Variants in ROBO2 observed in about 807,000 individuals in gnomAD.
ROBO2 encodes the protein roundabout homolog 2.
In ROBO2, 53 loss-of-function variants were observed where a neutral mutation model predicts 160.8. That is an observed-to-expected ratio of 0.33 (90% CI 0.26 to 0.41). The LOEUF (loss-of-function observed/expected upper bound fraction) is 0.41. Ranked by LOEUF, ROBO2 falls within the 10% of genes least tolerant of loss-of-function variation. ROBO2 has a pLI of 1.00. For synonymous variants in ROBO2, 664 were observed against 611.7 expected (o/e 1.09, Z -1.26); for missense variants, 1,577 against 1,722.4 (o/e 0.92, Z 1.49).
At chr3:77,417,161 G>A (rs1169444304) in intron 2 of ROBO2, among the ~76,000 whole-genome samples, 1 of 151,256 alleles carries the variant, frequency 6.6e-6, no homozygotes, top group Non-Finnish European at 1.5e-5. Context: ...ACTGCTAAAG[G>A]ACAAATTCAT....
rs199788324 is a variant in ROBO2, at chr3:76,979,951, TAA to T, written c.110-118050_110-118049del. ...CCAAAACCTGATATAGAGACTTGGT[TAA>T]AAAAAAAAAAAATGTCTTTGCTGAA... On this transcript the variant is annotated intron_variant, in intron 2 of 26. Transcript: ENST00000487694. Among the ~76,000 whole-genome samples the T allele has an allele frequency of 4.7e-3, 665 of 142,912 alleles. 7 individuals carry two copies. The highest frequency in any genetic ancestry group is 0.015 in the African/African-American group (602 of 39,270). 93.8% of individuals were successfully genotyped at this position (142,912 alleles called of 152,430 possible).
intron 2 of ROBO2, among the ~76,000 whole-genome samples, chr3:76,924,261 C>T (rs922675499): frequency 1.3e-5 from 2 of 152,128 alleles, no homozygotes; most frequent in East Asian, 1.9e-4. Context: ...ACTTCCACTG[C>T]GATGGTATTG....
At chr3:77,414,125 A>G (rs141378416) in intron 2 of ROBO2, among the ~76,000 whole-genome samples, 1 of 152,308 alleles carries the variant, frequency 6.6e-6, no homozygotes, top group Non-Finnish European at 1.5e-5. Context: ...CGTAGCTAGT[A>G]GGCAGAAAAC....
At chr3:76,757,914 C>T (rs545772380) in intron 2 of ROBO2, among the ~76,000 whole-genome samples, 2 of 151,440 alleles carry the variant, frequency 1.3e-5, no homozygotes, top group Admixed American at 6.6e-5. Flanking sequence ...CTAAAAGGCA[C>T]GATTTGTGAA....
chr3:77,143,591 A>T (rs2076894342), intron 2 of ROBO2, among the ~76,000 whole-genome samples: 1 of 152,094 alleles, frequency 6.6e-6, no homozygotes, highest in South Asian at 2.1e-4. Context: ...ACTTACTATA[A>T]ACTCAGTATA....
intron 2 of ROBO2, among the ~76,000 whole-genome samples, chr3:77,435,759 G>C (rs2079213290): frequency 6.6e-6 from 1 of 151,686 alleles, no homozygotes; most frequent in African/African-American, 2.4e-5. Flanking sequence ...AATGAAACAG[G>C]GTGGACAAAG....
intron 4 of ROBO2, among the ~76,000 whole-genome samples, chr3:77,488,580 T>TGTCC (rs1303737753): frequency 6.6e-6 from 1 of 152,254 alleles, no homozygotes; most frequent in African/African-American, 2.4e-5. Flanking sequence ...TATGGAGCAT[T>TGTCC]AATAGATATT....
intron 2 of ROBO2, among the ~76,000 whole-genome samples, chr3:76,193,567 C>G (rs747838461): frequency 6.6e-6 from 1 of 152,214 alleles, no homozygotes; most frequent in Non-Finnish European, 1.5e-5. Context: ...CTTTCACTTC[C>G]TCCAATTGAT....
At chr3:77,301,880 CT>C (rs540906873) in intron 2 of ROBO2, among the ~76,000 whole-genome samples, 123 of 145,660 alleles carry the variant, frequency 8.4e-4, no homozygotes, top group South Asian at 5.1e-3. Context: ...CTTCAATTTC[CT>C]TTTTTTTTTT....
chr3:76,957,632 A>G (rs1265907717), intron 2 of ROBO2, among the ~76,000 whole-genome samples: 1 of 151,950 alleles, frequency 6.6e-6, no homozygotes, highest in African/African-American at 2.4e-5. Context: ...GGAGTTTGAG[A>G]CCAACCTGAC....
At position 76,093,423 on chromosome 3, in the gene ROBO2, A is replaced by G. The variant is rs572415929; in HGVS notation, c.109+155821A>G. Among the ~76,000 whole-genome samples, 143 of 151,232 alleles carry G rather than the reference A, an allele frequency of 9.5e-4. No individual in the cohort carries two copies. The Middle Eastern group carries it at 0.01, about 11-fold the overall frequency. ...CAAAAATGCATACGGCAAATCAAAT[A>G]TTTACTAGCAGTCACACAGGCCTGC... On this transcript the variant is annotated intron_variant, in intron 2 of 26. Coordinates refer to the ROBO2 transcript ENST00000487694.
chr3:77,015,529 T>A (rs1429061145), intron 2 of ROBO2, among the ~76,000 whole-genome samples: 5 of 152,214 alleles, frequency 3.3e-5, no homozygotes, highest in African/African-American at 9.7e-5. Flanking sequence ...GCAAATTAGA[T>A]TCTAGGATGA....
At position 77,422,630 on chromosome 3, in the gene ROBO2, T is replaced by C. The variant is rs141144739; in HGVS notation, c.389-54784T>C. Among the ~76,000 whole-genome samples the C allele has an allele frequency of 1.1e-4, 17 of 152,286 alleles. No individual in the cohort carries two copies. In the East Asian group the frequency reaches 3.1e-3, roughly 28 times the overall value. ...GGATTTACAAATGATTATCTTAATA[T>C]TTTCTTGCAAAACATAGCTAATGTG... On this transcript the variant is annotated intron_variant, in intron 2 of 25. Transcript: ENST00000461745.
chr3:76,142,394 T>C (rs2106772613), intron 2 of ROBO2, among the ~76,000 whole-genome samples: 1 of 152,080 alleles, frequency 6.6e-6, no homozygotes, highest in African/African-American at 2.4e-5. Flanking sequence ...CTGTTTACAG[T>C]AGCTAAAATT....
At chr3:76,683,929 C>T (rs1399113712) in intron 2 of ROBO2, among the ~76,000 whole-genome samples, 1 of 151,826 alleles carries the variant, frequency 6.6e-6, no homozygotes, top group Non-Finnish European at 1.5e-5. Flanking sequence ...ATTTTTTTCT[C>T]TTTAAACATA....
chr3:76,863,673 G>A (rs1387211885), intron 2 of ROBO2, among the ~76,000 whole-genome samples: 1 of 151,918 alleles, frequency 6.6e-6, no homozygotes, highest in Non-Finnish European at 1.5e-5. Flanking sequence ...TCTTAGCACG[G>A]ATATGCCAAA....
At chr3:77,291,776 A>G (rs1019235909) in intron 2 of ROBO2, among the ~76,000 whole-genome samples, 2 of 150,046 alleles carry the variant, frequency 1.3e-5, no homozygotes, top group Non-Finnish European at 3.0e-5. Flanking sequence ...AGTAAAATTG[A>G]AGATTAAACG....
chr3:77,096,430 C>T (rs1338511058), intron 1 of ROBO2, among the ~76,000 whole-genome samples: 1 of 151,008 alleles, frequency 6.6e-6, no homozygotes, highest in African/African-American at 2.4e-5. Context: ...CCTTCTCTTC[C>T]TATTTCTTTT....
chr3:76,369,035 AT>A (rs1037164058), intron 2 of ROBO2, among the ~76,000 whole-genome samples: 3 of 151,674 alleles, frequency 2.0e-5, no homozygotes, highest in African/African-American at 4.8e-5. Context: ...TTTATTACAT[AT>A]TTTTTTTCTG....
Sources: gnomAD v4.1 joint callset for allele counts (sites outside exome capture counted in the v4.1 genomes callset) on GRCh38, gnomAD v4.1.1 for gene constraint, MANE v1.5 for transcripts, NCBI Gene and HGNC (gene_info 2026-07-23, HGNC 2026-07-21) for gene names.